The following TACC2 variants were observed in gnomAD, a reference collection of about 807,000 sequenced individuals.
TACC2 encodes the protein transforming acidic coiled-coil containing protein 2, also known as transforming acidic coiled-coil-containing protein 2.
TACC2 carries 137 observed loss-of-function variants against 227.3 expected under a neutral mutation model. That is an observed-to-expected ratio of 0.60 (90% confidence interval 0.52 to 0.69). The LOEUF is 0.69. Ranked by LOEUF, TACC2 falls within the 30% of genes least tolerant of loss-of-function variation. TACC2 has a pLI of 0.00. For synonymous variants in TACC2, 1,523 were observed against 1,487.5 expected, an observed-to-expected ratio of 1.02 and a Z score of -0.55; for missense variants, 3,470 against 3,694.4, an observed-to-expected ratio of 0.94 and a Z score of 1.57.
chr10:122,019,289 G>A (rs568768320), intron 1 of TACC2, among the ~76,000 whole-genome samples: 3 of 152,226 alleles, frequency 2.0e-5, no homozygotes, highest in Non-Finnish European at 4.4e-5. Context: ...ATAAACAGGT[G>A]CCAGACTGCC....
chr10:122,210,530 T>G lies in TACC2; in HGVS notation c.6105T>G (p.Thr2035=). 8 of 1,614,106 alleles carry G rather than the reference T, an allele frequency of 5.0e-6. No individual in the cohort carries two copies. The highest frequency in any genetic ancestry group is 6.8e-6 in the Non-Finnish European group (8 of 1,180,010). ...DEDKPIASSG[T]YNLDFDNIEL... is the part of the protein sequence containing the mutation. ...ACAAGCCGATAGCCAGCAGTGGGAC[T>G]TACAACTTGGACTTTGACAACATTG... The change falls in exon 9 of 23, where the codon ACT becomes ACG. Residue 2035 remains threonine (T), a synonymous_variant. Coordinates refer to ENST00000369005, the MANE Select transcript of TACC2 (RefSeq NM_206862.4). This position sits in a 1 kb window ranked among gnomAD's most constrained non-coding sequence, Gnocchi z 4.6.
chr10:122,250,407 G>T (rs892763857), intron 22 of TACC2, among the ~76,000 whole-genome samples: 1 of 152,246 alleles, frequency 6.6e-6, no homozygotes, highest in African/African-American at 2.4e-5. Context: ...AGCAGCCTGG[G>T]TTGGCAGCAC....
At chr10:122,223,033 C>T (rs1487702358) in intron 11 of TACC2, among the ~76,000 whole-genome samples, 1 of 149,660 alleles carries the variant, frequency 6.7e-6, no homozygotes, top group Non-Finnish European at 1.5e-5. Context: ...TCTCCTTCCT[C>T]CTCCTCTCTC....
intron 3 of TACC2, among the ~76,000 whole-genome samples, chr10:122,056,146 G>A (rs78108627): frequency 2.0e-4 from 30 of 152,342 alleles, no homozygotes; most frequent in African/African-American, 6.7e-4. Flanking sequence ...CAGCAGGTTT[G>A]TGGTGAGGCC....
At chr10:122,069,108 C>T (rs1306395714) in intron 3 of TACC2, among the ~76,000 whole-genome samples, 1 of 123,838 alleles carries the variant, frequency 8.1e-6, no homozygotes, top group African/African-American at 3.1e-5. Flanking sequence ...GCCTCGGTCT[C>T]CCCAGATACA....
chr10:122,243,606 A>G (rs958555610), intron 19 of TACC2, among the ~76,000 whole-genome samples: 1 of 152,150 alleles, frequency 6.6e-6, no homozygotes, highest in Non-Finnish European at 1.5e-5. Flanking sequence ...ATGAACACAT[A>G]TGGATAAGAT....
At chr10:122,115,752 C>A (rs569870229) in intron 5 of TACC2, among the ~76,000 whole-genome samples, 4 of 151,926 alleles carry the variant, frequency 2.6e-5, no homozygotes, top group African/African-American at 4.8e-5. Flanking sequence ...TGTGTACATG[C>A]ATGTGTGGGT....
At chr10:122,039,524 G>A (rs935797314) in intron 2 of TACC2, among the ~76,000 whole-genome samples, 7 of 152,064 alleles carry the variant, frequency 4.6e-5, no homozygotes, top group East Asian at 1.9e-4. Context: ...GGTCTGGGGC[G>A]GCCTGAGATG....
In TACC2 at chr10:122,200,882, C is replaced by T. The variant is rs143669543; in HGVS notation, c.5971+5706C>T. Among the ~76,000 whole-genome samples the T allele has an allele frequency of 9.1e-4, 136 of 149,176 alleles. 6 individuals are homozygous for T. Among genetic ancestry groups the T allele is most frequent in the African/African-American group, 2.7e-3 (107 of 39,378 alleles). On this transcript the variant is annotated intron_variant, in intron 8 of 22. Transcript: ENST00000369005. Reference sequence around the variant, plus strand: ...CACCTGCCCACAGTGGCCACATCTACACTGAGAGGACGACCACCTCACCTG... The same window carrying T: ...CACCTGCCCACAGTGGCCACATCTATACTGAGAGGACGACCACCTCACCTG...
chr10:122,106,100 G>C (rs1299333085), intron 5 of TACC2, among the ~76,000 whole-genome samples: 1 of 151,024 alleles, frequency 6.6e-6, no homozygotes, highest in Non-Finnish European at 1.5e-5. Flanking sequence ...CGATTCTCCT[G>C]CCTCAGCCTC....
chr10:122,045,524 G>T (rs1437584982), intron 2 of TACC2, among the ~76,000 whole-genome samples: 1 of 152,214 alleles, frequency 6.6e-6, no homozygotes, highest in Non-Finnish European at 1.5e-5. Flanking sequence ...ACTTAAAAGA[G>T]CAGTACTAGA....
At chr10:122,247,121 A>C (rs1299492278) in intron 19 of TACC2, 1 of 152,602 alleles carries the variant, frequency 6.6e-6, no homozygotes, top group African/African-American at 2.4e-5. Flanking sequence ...ACTGCGGGGG[A>C]GCTCTGAGCA....
intron 2 of TACC2, among the ~76,000 whole-genome samples, chr10:122,037,820 T>C (rs978466535): frequency 6.6e-6 from 1 of 152,248 alleles, no homozygotes; most frequent in Non-Finnish European, 1.5e-5. Flanking sequence ...AGTGTTTGGC[T>C]CATTATTCTG....
intron 5 of TACC2, among the ~76,000 whole-genome samples, chr10:122,127,335 C>T (rs1260601418): frequency 6.6e-6 from 1 of 152,222 alleles, no homozygotes; most frequent in African/African-American, 2.4e-5. Flanking sequence ...CCTTGGGGCT[C>T]TTCCTGTGGC....
intron 8 of TACC2, among the ~76,000 whole-genome samples, chr10:122,199,722 T>C (rs2094715186): frequency 6.6e-6 from 1 of 152,174 alleles, no homozygotes; most frequent in Admixed American, 6.5e-5. Flanking sequence ...AACGTAACCA[T>C]AGACCAGGTA....
chr10:122,000,129 C>T (rs181764929), intron 1 of TACC2, among the ~76,000 whole-genome samples: 8 of 152,286 alleles, frequency 5.3e-5, no homozygotes, highest in South Asian at 2.1e-4. Flanking sequence ...CGTTGGCTCA[C>T]GCCTGTAATC....
In TACC2 at chr10:122,205,674, C is replaced by T. The variant is rs2095079081; in HGVS notation, c.5972-4723C>T. 1.3e-5 allele frequency among the ~76,000 whole-genome samples: 2 copies of T among 152,176 alleles called. No homozygotes were observed. The highest frequency in any genetic ancestry group is 2.9e-5 in the Non-Finnish European group (2 of 68,038). ...CCTGTTACGATGGGGGCCCTGAGCC[C>T]CCACCCCAGCCCTGCAGAAGGAAGT... On this transcript the variant is annotated intron_variant, in intron 8 of 22. Coordinates refer to ENST00000369005, the MANE Select transcript of TACC2 (RefSeq NM_206862.4). This position sits in a 1 kb window ranked among gnomAD's most constrained non-coding sequence, Gnocchi z 4.5.
At chr10:122,138,367 G>A (rs1205187903) in intron 6 of TACC2, among the ~76,000 whole-genome samples, 1 of 152,142 alleles carries the variant, frequency 6.6e-6, no homozygotes, top group African/African-American at 2.4e-5. Context: ...AAAATTAGCT[G>A]GGCGTGGTGG....
rs112792609 is a variant in TACC2 at position 122,008,539 on chromosome 10, C to A, written c.-45-13398C>A. ...CCTCCCAAAGTCCTGGGATTACAGG[C>A]ATGAGCCACTGCGCCCAGCACTATT... On this transcript the variant is annotated intron_variant, in intron 1 of 22. Transcript: ENST00000369005. 7.2e-4 allele frequency among the ~76,000 whole-genome samples: 109 copies of A among 152,022 alleles called. 1 individual carries two copies. The highest frequency in any genetic ancestry group is 2.5e-3 in the African/African-American group (103 of 41,464).
Sources: allele counts gnomAD v4.1 joint callset (sites outside exome capture counted in the v4.1 genomes callset), GRCh38; gene constraint gnomAD v4.1.1; non-coding constraint Gnocchi (gnomAD v3.1); transcripts MANE v1.5; gene names NCBI Gene and HGNC (gene_info 2026-07-23, HGNC 2026-07-21).